SLC25A48: variants seen among roughly 807,000 people sequenced by gnomAD.
SLC25A48 encodes solute carrier family 25 member 48.
A neutral mutation model predicts 32.2 loss-of-function variants in SLC25A48; 29 were observed. That is an observed-to-expected ratio of 0.90 (90% CI 0.67 to 1.23). SLC25A48 has a LOEUF of 1.23. Among genes scored for constraint, SLC25A48 ranks in the 50% most tolerant of loss-of-function variants. The pLI, the probability that SLC25A48 is intolerant of heterozygous loss-of-function variation, is 0.00. For synonymous variants in SLC25A48, 164 were observed against 172.3 expected (o/e 0.95, Z 0.38); for missense variants, 399 against 422.7 (o/e 0.94, Z 0.49).
intron 3 of SLC25A48, among the ~76,000 whole-genome samples, chr5:135,693,404 G>A (rs1754189516): frequency 6.6e-6 from 1 of 152,234 alleles, no homozygotes; most frequent in African/African-American, 2.4e-5. Context: ...GAGGGGAACT[G>A]ATTGGAATAT....
chr5:135,771,814 G>GA (rs1483402265), intron 3 of SLC25A48, among the ~76,000 whole-genome samples: 1 of 151,306 alleles, frequency 6.6e-6, no homozygotes, highest in African/African-American at 2.4e-5. Context: ...ATATTTAGGG[G>GA]GGGGAGAACA....
At chr5:135,600,403 G>A (rs1223565715) in intron 1 of SLC25A48, among the ~76,000 whole-genome samples, 2 of 152,162 alleles carry the variant, frequency 1.3e-5, no homozygotes, top group African/African-American at 4.8e-5. Context: ...CTTTGAGGGG[G>A]TGTACCCTGG....
At chr5:135,887,223 G>A (rs530774055) in intron 7 of SLC25A48, among the ~76,000 whole-genome samples, 8 of 152,172 alleles carry the variant, frequency 5.3e-5, no homozygotes, top group East Asian at 3.9e-4. Context: ...TGCGTTTTCC[G>A]TTTTTGCGGC....
intron 1 of SLC25A48, among the ~76,000 whole-genome samples, chr5:135,598,016 A>C (rs200305120): frequency 1.7e-5 from 1 of 59,192 alleles, no homozygotes; most frequent in Non-Finnish European, 4.4e-5. Context: ...AAAAAAAATC[A>C]AACCAAAAAA....
intron 2 of SLC25A48, among the ~76,000 whole-genome samples, chr5:135,844,812 G>GAC (rs548739375): frequency 1.2e-4 from 19 of 152,250 alleles, no homozygotes; most frequent in African/African-American, 3.4e-4. Flanking sequence ...GGGTCAGTGG[G>GAC]ACACCTCAAA....
At chr5:135,697,097 TA>T (rs1162165011) in intron 3 of SLC25A48, among the ~76,000 whole-genome samples, 1 of 152,180 alleles carries the variant, frequency 6.6e-6, no homozygotes, top group African/African-American at 2.4e-5. Flanking sequence ...AAAAAAAGGA[TA>T]ATTATGAAAA....
At chr5:135,623,277 C>T (rs1330486728) in intron 1 of SLC25A48, among the ~76,000 whole-genome samples, 1 of 152,182 alleles carries the variant, frequency 6.6e-6, no homozygotes, top group Non-Finnish European at 1.5e-5. Flanking sequence ...AGCTTTGTCT[C>T]CTCTTAACTC....
rs895457071 is a variant in SLC25A48 at position 135,762,706 on chromosome 5, T to A, written c.-520-49817T>A. Among the ~76,000 whole-genome samples, 17 of 151,634 alleles carry A rather than the reference T, an allele frequency of 1.1e-4. 1 individual carries two copies. Among genetic ancestry groups the A allele is most frequent in the African/African-American group, 4.1e-4 (17 of 41,268 alleles). On this transcript the variant is annotated intron_variant, in intron 3 of 10. Coordinates refer to the SLC25A48 transcript ENST00000646290. The stretch of plus-strand genomic sequence containing the variant: ...ATATAAGAACGGGAGTGAGAATGAG[T>A]GTGTGCGTGTGTAAGTTGAATATGA...
intron 3 of SLC25A48, among the ~76,000 whole-genome samples, chr5:135,693,559 T>C (rs1754194185): frequency 6.6e-6 from 1 of 152,228 alleles, no homozygotes. Flanking sequence ...CACAATCTTC[T>C]CCTGTGCTCA....
At chr5:135,770,253 G>A (rs895244833) in intron 3 of SLC25A48, among the ~76,000 whole-genome samples, 1 of 149,106 alleles carries the variant, frequency 6.7e-6, no homozygotes, top group African/African-American at 2.5e-5. Context: ...AGGAGAGGAT[G>A]ATATTACTCC....
intron 1 of SLC25A48, among the ~76,000 whole-genome samples, chr5:135,599,145 A>G (rs1264670689): frequency 6.6e-6 from 1 of 152,116 alleles, no homozygotes; most frequent in Non-Finnish European, 1.5e-5. Context: ...CTTTATTTCT[A>G]AATACCAACT....
chr5:135,686,413 C>A lies in SLC25A48; in HGVS notation c.-521+51457C>A, dbSNP rs77369595. On this transcript the variant is annotated intron_variant, in intron 3 of 10. Transcript: ENST00000646290. ...GCACTCCAGCCACACTAAGTCTCTT[C>A]CAGTTCCTTGGATAACTGTACTTGG... is the stretch of plus-strand genomic sequence containing the variant. 7.8e-3 allele frequency among the ~76,000 whole-genome samples: 1,185 copies of A among 152,328 alleles called. 17 individuals carry two copies. Among genetic ancestry groups the A allele is most frequent in the African/African-American group, 0.026 (1,084 of 41,558 alleles).
At chr5:135,835,157 A>T in intron 1 of SLC25A48, 3 of 676,016 alleles carry the variant, frequency 4.4e-6, no homozygotes, top group South Asian at 3.0e-5. Context: ...TGAGGTAATG[A>T]TTAAACAGCT....
At chr5:135,671,419 C>G (rs1753650937) in intron 3 of SLC25A48, among the ~76,000 whole-genome samples, 1 of 152,198 alleles carries the variant, frequency 6.6e-6, no homozygotes, top group Non-Finnish European at 1.5e-5. Flanking sequence ...ATTTCTTGCT[C>G]TGGTTTGGGG....
At chr5:135,581,821 G>T (rs1751241350) in intron 1 of SLC25A48, among the ~76,000 whole-genome samples, 1 of 152,234 alleles carries the variant, frequency 6.6e-6, no homozygotes, top group Non-Finnish European at 1.5e-5. Context: ...GTACAGGAGA[G>T]CATGAGGCCC....
chr5:135,745,155 C>G (rs1005330388), intron 3 of SLC25A48, among the ~76,000 whole-genome samples: 1 of 152,194 alleles, frequency 6.6e-6, no homozygotes, highest in Admixed American at 6.5e-5. Context: ...GAGCCCCGAA[C>G]AGAGTTTGAC....
chr5:135,885,865 G>A (rs1252876007), intron 7 of SLC25A48, among the ~76,000 whole-genome samples: 1 of 152,152 alleles, frequency 6.6e-6, no homozygotes, highest in Admixed American at 6.5e-5. Flanking sequence ...TATTGTCATG[G>A]AAATATGTCA....
At chr5:135,620,906 C>A (rs1234160478) in intron 1 of SLC25A48, among the ~76,000 whole-genome samples, 1 of 152,140 alleles carries the variant, frequency 6.6e-6, no homozygotes, top group Non-Finnish European at 1.5e-5. Context: ...AGATCTCTCT[C>A]TTACCCCTTC....
At chr5:135,586,866 G>C (rs1036433328) in intron 1 of SLC25A48, among the ~76,000 whole-genome samples, 1 of 152,150 alleles carries the variant, frequency 6.6e-6, no homozygotes, top group Non-Finnish European at 1.5e-5. Flanking sequence ...ATTATAAGAA[G>C]CCATTGGAGA....
Sources: gnomAD v4.1 joint callset for allele counts (sites outside exome capture counted in the v4.1 genomes callset) on GRCh38, gnomAD v4.1.1 for gene constraint, MANE v1.5 for transcripts, NCBI Gene and HGNC (gene_info 2026-07-23, HGNC 2026-07-21) for gene names.